NTNG1: variants seen among roughly 807,000 people sequenced by gnomAD.
NTNG1 encodes netrin-G1.
Under a neutral mutation model 54.0 loss-of-function variants are expected in NTNG1, and 16 were observed. That is an observed-to-expected ratio of 0.30 (90% CI 0.20 to 0.45). NTNG1 has a LOEUF of 0.45. Among genes scored for constraint, NTNG1 ranks in the 20% least tolerant of loss-of-function variants. The pLI is 1.00. For synonymous variants in NTNG1, 255 were observed against 263.1 expected, an observed-to-expected ratio of 0.97 and a Z score of 0.30; for missense variants, 530 against 678.7, an observed-to-expected ratio of 0.78 and a Z score of 2.43.
At chr1:107,307,523 T>C (rs563844049) in intron 2 of NTNG1, among the ~76,000 whole-genome samples, 2 of 152,320 alleles carry the variant, frequency 1.3e-5, no homozygotes, top group South Asian at 2.1e-4. Context: ...TTATTATTCA[T>C]CTTGCATAGA....
chr1:107,458,196 C>A (rs1677068373), intron 7 of NTNG1, among the ~76,000 whole-genome samples: 1 of 152,092 alleles, frequency 6.6e-6, no homozygotes, highest in Non-Finnish European at 1.5e-5. Flanking sequence ...ATGGGGATGA[C>A]ACATGAGTTC....
At chr1:107,163,144 A>G (rs554013441) in intron 2 of NTNG1, among the ~76,000 whole-genome samples, 2 of 152,154 alleles carry the variant, frequency 1.3e-5, no homozygotes, top group Non-Finnish European at 2.9e-5. Flanking sequence ...AAAAAGAGTC[A>G]ATTGTCCCTT....
intron 2 of NTNG1, among the ~76,000 whole-genome samples, chr1:107,250,938 A>T (rs564359167): frequency 1.3e-5 from 2 of 152,372 alleles, no homozygotes; most frequent in South Asian, 4.1e-4. Flanking sequence ...TAAATACAAC[A>T]TCTATATTTT....
chr1:107,154,536 C>T (rs1233727499), intron 2 of NTNG1, among the ~76,000 whole-genome samples: 1 of 135,716 alleles, frequency 7.4e-6, no homozygotes, highest in Non-Finnish European at 1.5e-5. Context: ...GTCAAGGCTG[C>T]AGTGAGCCAA....
intron 2 of NTNG1, among the ~76,000 whole-genome samples, chr1:107,306,213 AAT>A (rs1158980238): frequency 2.0e-5 from 3 of 152,214 alleles, no homozygotes; most frequent in African/African-American, 4.8e-5. Context: ...AAATAATTTT[AAT>A]ATGTTTTATT....
At chr1:107,232,755 G>A (rs992359269) in intron 2 of NTNG1, among the ~76,000 whole-genome samples, 17 of 152,102 alleles carry the variant, frequency 1.1e-4, no homozygotes, top group Admixed American at 3.9e-4. Context: ...TCAATAAAAG[G>A]AATAGAGGTA....
At chr1:107,441,704 A>T (rs180944945) in intron 7 of NTNG1, among the ~76,000 whole-genome samples, 107 of 152,248 alleles carry the variant, frequency 7.0e-4, no homozygotes, top group African/African-American at 2.4e-3. Context: ...GGGGATCAGG[A>T]TGTAGACATC....
chr1:107,463,492 G>T (rs1479529870), intron 7 of NTNG1, among the ~76,000 whole-genome samples: 1 of 149,858 alleles, frequency 6.7e-6, no homozygotes, highest in African/African-American at 2.4e-5. Context: ...GTTATGTAAT[G>T]CTAGAAAAAA....
chr1:107,141,373 C>G (rs914388736), intron 1 of NTNG1: 3 of 149,728 alleles, frequency 2.0e-5, no homozygotes, highest in Non-Finnish European at 4.5e-5. Flanking sequence ...GGCCGCCGCC[C>G]GAGGCGGACC....
intron 2 of NTNG1, among the ~76,000 whole-genome samples, chr1:107,272,273 A>G (rs3125677): frequency 0.18 from 27,354 of 152,102 alleles, 5,768 homozygotes; most frequent in African/African-American, 0.52. Context: ...TCTTTCTCGA[A>G]TAATGTTTTT....
intron 2 of NTNG1, among the ~76,000 whole-genome samples, chr1:107,321,056 T>C (rs1667633335): frequency 6.6e-6 from 1 of 152,122 alleles, no homozygotes; most frequent in Non-Finnish European, 1.5e-5. Context: ...TCAAATGTCA[T>C]GTTATCAGGG....
intron 4 of NTNG1, among the ~76,000 whole-genome samples, chr1:107,399,477 T>C (rs542875471): frequency 1.3e-5 from 2 of 152,330 alleles, no homozygotes; most frequent in African/African-American, 4.8e-5. Context: ...CTCTGAGTGA[T>C]GGAAAGTAAT....
chr1:107,325,116 T>A (rs567567471), intron 3 of NTNG1, among the ~76,000 whole-genome samples, 194 bp downstream of exon 3: 80 of 152,248 alleles, frequency 5.3e-4, no homozygotes, highest in Admixed American at 5.9e-4. Flanking sequence ...CCAAACTTGC[T>A]GTCCCTGAAC....
chr1:107,319,884 T>A (rs958537912), intron 2 of NTNG1, among the ~76,000 whole-genome samples: 5 of 150,844 alleles, frequency 3.3e-5, no homozygotes, highest in African/African-American at 9.7e-5. Flanking sequence ...TATATATATA[T>A]AAAACTCTGA....
chr1:107,220,329 T>A (rs1289980611), intron 2 of NTNG1, among the ~76,000 whole-genome samples: 1 of 152,162 alleles, frequency 6.6e-6, no homozygotes, highest in African/African-American at 2.4e-5. Flanking sequence ...CTTCAAAGGG[T>A]CTGTGGATTC....
At chr1:107,418,585 C>A (rs1195677776) in intron 5 of NTNG1, 1 of 1,601,080 alleles carries the variant, frequency 6.2e-7, no homozygotes, top group African/African-American at 1.3e-5. Context: ...TGCAGATCCT[C>A]CAAAGTTTAA....
chr1:107,198,054 T>A (rs1658469744), intron 2 of NTNG1, among the ~76,000 whole-genome samples: 1 of 152,032 alleles, frequency 6.6e-6, no homozygotes, highest in South Asian at 2.1e-4. Flanking sequence ...TATTTAGATA[T>A]TCTGCATTTT....
intron 4 of NTNG1, chr1:107,403,767 C>G (rs976419011): frequency 6.5e-6 from 1 of 153,876 alleles, no homozygotes; most frequent in Non-Finnish European, 1.5e-5. Context: ...TTAACAATGC[C>G]TCACACAGGG....
At chr1:107,470,509 G>C (rs541032781) in intron 7 of NTNG1, among the ~76,000 whole-genome samples, 26 of 152,320 alleles carry the variant, frequency 1.7e-4, no homozygotes, top group African/African-American at 6.3e-4. Context: ...GGTATGTGTA[G>C]AGTTACATGT....
Sources: allele counts gnomAD v4.1 joint callset (sites outside exome capture counted in the v4.1 genomes callset), GRCh38; gene constraint gnomAD v4.1.1; transcripts MANE v1.5; gene names NCBI Gene and HGNC (gene_info 2026-07-23, HGNC 2026-07-21).